TBC1D12: variants seen among roughly 807,000 people sequenced by gnomAD.
The protein encoded by TBC1D12 is TBC1 domain family member 12, also known as TBC1 domain family, member 12.
Under a neutral mutation model 86.7 loss-of-function variants are expected in TBC1D12, and 56 were observed. That is an observed-to-expected ratio of 0.65 (90% confidence interval 0.52 to 0.81). The LOEUF (loss-of-function observed/expected upper bound fraction) is 0.81. TBC1D12 is among the 30% of genes least tolerant of loss of function. The pLI is 0.00. For synonymous variants in TBC1D12, 421 were observed against 411.7 expected, an observed-to-expected ratio of 1.02 and a Z score of -0.27; for missense variants, 1,023 against 1,038.8, an observed-to-expected ratio of 0.98 and a Z score of 0.21.
In TBC1D12 at chr10:94,510,211, A is replaced by T. The variant is rs546661583; in HGVS notation, c.1689+32A>T. 4.1e-6 allele frequency: 6 copies of T among 1,445,802 alleles called. No individual in the cohort carries two copies. In the South Asian group the frequency reaches 6.7e-5, roughly 16 times the overall value. 89.6% of individuals were successfully genotyped at this position (1,445,802 alleles called of 1,614,324 possible). On this transcript the variant is annotated intron_variant, in intron 8 of 12. Coordinates refer to ENST00000225235, the MANE Select transcript of TBC1D12 (RefSeq NM_015188.2). ...GTTTCTAACCAGCTTGTAATTACTT[A>T]AAAAAAATCTATCAATATCCAAGGC...
chr10:94,500,430 T>C, intron 6 of TBC1D12, 103 bp downstream of exon 6: 1 of 818,456 alleles, frequency 1.2e-6, no homozygotes, highest in Non-Finnish European at 1.8e-6. Context: ...GCCTTTATCA[T>C]ATATAATGTC....
At chr10:94,452,458 C>A (rs1452698707) in intron 2 of TBC1D12, among the ~76,000 whole-genome samples, 1 of 152,150 alleles carries the variant, frequency 6.6e-6, no homozygotes, top group Non-Finnish European at 1.5e-5. Flanking sequence ...CTCCTCCAAT[C>A]CCCTGGAAAC....
rs2055075645 is a variant in TBC1D12 at position 94,421,648 on chromosome 10, A to T, written c.971+18064A>T. Among the ~76,000 whole-genome samples the T allele has an allele frequency of 3.3e-5, 5 of 152,150 alleles. 1 individual carries two copies. The South Asian group carries it at 1.0e-3, about 32-fold the overall frequency. On this transcript the variant is annotated intron_variant, in intron 1 of 12. Coordinates refer to ENST00000225235, the MANE Select transcript of TBC1D12 (RefSeq NM_015188.2). Reference sequence around the variant, plus strand: ...AAAAGCTGCAGCATTTTACATTCCCACTAGCAATGAATGAGGGTTCCAGTT... The same window carrying T: ...AAAAGCTGCAGCATTTTACATTCCCTCTAGCAATGAATGAGGGTTCCAGTT...
At chr10:94,474,098 A>G (rs1238504275) in intron 2 of TBC1D12, among the ~76,000 whole-genome samples, 1 of 152,142 alleles carries the variant, frequency 6.6e-6, no homozygotes, top group East Asian at 1.9e-4. Context: ...AGAGCAATAC[A>G]GTGGCATTAT....
At chr10:94,432,854 C>G (rs2055237428) in intron 1 of TBC1D12, among the ~76,000 whole-genome samples, 1 of 151,612 alleles carries the variant, frequency 6.6e-6, no homozygotes, top group Admixed American at 6.6e-5. Flanking sequence ...GAAAGACTTA[C>G]TGTTATTTGA....
chr10:94,431,202 G>A (rs1447879626), intron 1 of TBC1D12, among the ~76,000 whole-genome samples: 1 of 152,008 alleles, frequency 6.6e-6, no homozygotes, highest in African/African-American at 2.4e-5. Flanking sequence ...ATCTCTTGAG[G>A]TCAGGAGTTC....
At chr10:94,493,912 T>G (rs2056280829) in intron 4 of TBC1D12, among the ~76,000 whole-genome samples, 1 of 152,102 alleles carries the variant, frequency 6.6e-6, no homozygotes, top group Non-Finnish European at 1.5e-5. Context: ...ACTTCTACTA[T>G]CTTAGTTTAT....
intron 2 of TBC1D12, among the ~76,000 whole-genome samples, chr10:94,446,474 G>GT (rs1388879872): frequency 6.6e-6 from 1 of 152,186 alleles, no homozygotes; most frequent in Non-Finnish European, 1.5e-5. Context: ...TAGGAGATTA[G>GT]AGTAGTAGTA....
Position 94,533,216 on chromosome 10 carries a change from G to A in TBC1D12, c.*120G>A. The A allele has an allele frequency of 1.8e-6, 1 of 549,884 alleles. No individual in the cohort carries two copies. The allele number at this position is 549,884 out of a possible 1,614,324, so 34.1% of individuals were successfully genotyped here. On this transcript the variant is annotated 3_prime_UTR_variant, in exon 13 of 13. Transcript: ENST00000225235. Reference sequence around the variant, plus strand: ...AGATACCTAAAAGAATCAAGAGGTGGAAAACTGCTGATTTTACATTTTATG... The same window carrying A: ...AGATACCTAAAAGAATCAAGAGGTGAAAAACTGCTGATTTTACATTTTATG...
intron 1 of TBC1D12, among the ~76,000 whole-genome samples, chr10:94,417,813 G>A (rs10882452): frequency 0.48 from 70,934 of 149,048 alleles, 17,345 homozygotes; most frequent in East Asian, 0.79. Flanking sequence ...CAGTGGCGCA[G>A]TCTTGGCTCA....
chr10:94,503,215 T>C (rs777684646), intron 6 of TBC1D12, among the ~76,000 whole-genome samples: 14 of 152,228 alleles, frequency 9.2e-5, no homozygotes, highest in Admixed American at 2.0e-4. Context: ...CAAAGACATA[T>C]ATTTTTTCCT....
chr10:94,410,722 T>C (rs2054918169), intron 1 of TBC1D12, among the ~76,000 whole-genome samples: 1 of 152,230 alleles, frequency 6.6e-6, no homozygotes, highest in South Asian at 2.1e-4. Flanking sequence ...AATTATAAAT[T>C]TAAGAGCAAA....
chr10:94,473,615 T>A (rs1415180594), intron 2 of TBC1D12, among the ~76,000 whole-genome samples: 1 of 152,210 alleles, frequency 6.6e-6, no homozygotes, highest in Non-Finnish European at 1.5e-5. Flanking sequence ...CCAGTGGACT[T>A]GCATAGTTCG....
At chr10:94,427,616 A>C (rs1443659124) in intron 1 of TBC1D12, among the ~76,000 whole-genome samples, 1 of 152,042 alleles carries the variant, frequency 6.6e-6, no homozygotes, top group Non-Finnish European at 1.5e-5. Flanking sequence ...TGGATCACTT[A>C]AGGCCAGGAG....
At chr10:94,459,076 CTGATTGGT>C (rs2055678901) in intron 2 of TBC1D12, among the ~76,000 whole-genome samples, 1 of 3,424 alleles carries the variant, frequency 2.9e-4, no homozygotes, top group Non-Finnish European at 5.1e-4. Context: ...TTACAGAGAG[CTGATTGGT>C]CCATTTTACA....
At chr10:94,409,669 C>T (rs954897984) in intron 1 of TBC1D12, among the ~76,000 whole-genome samples, 5 of 152,166 alleles carry the variant, frequency 3.3e-5, no homozygotes, top group Non-Finnish European at 7.3e-5. Context: ...AGCTACGCAT[C>T]TGGCCAAATT....
chr10:94,521,238 C>CCA (rs1842145576), intron 9 of TBC1D12, among the ~76,000 whole-genome samples: 5 of 122,752 alleles, frequency 4.1e-5, no homozygotes, highest in African/African-American at 1.5e-4. Flanking sequence ...AAAAAAAAAA[C>CCA]AAAAAAAAAA....
chr10:94,418,293 A>G (rs763448354), intron 1 of TBC1D12, among the ~76,000 whole-genome samples: 7 of 152,210 alleles, frequency 4.6e-5, no homozygotes, highest in Non-Finnish European at 1.0e-4. Flanking sequence ...TTAAAGGAGT[A>G]ACTACCTAAA....
intron 2 of TBC1D12, 60 bp downstream of exon 2, chr10:94,442,079 CT>C: frequency 7.6e-7 from 1 of 1,317,410 alleles, no homozygotes. Context: ...TCTTCTTCTT[CT>C]TCTTTTTTTT....
Sources: gnomAD v4.1 joint callset for allele counts (sites outside exome capture counted in the v4.1 genomes callset) on GRCh38, gnomAD v4.1.1 for gene constraint, MANE v1.5 for transcripts, NCBI Gene and HGNC (gene_info 2026-07-23, HGNC 2026-07-21) for gene names.